SPDYE17: variants seen among roughly 807,000 people sequenced by gnomAD.
The protein encoded by SPDYE17 is speedy protein E17.
For synonymous variants in SPDYE17, 4 were observed against 14.8 expected (o/e 0.27, Z 1.68); for missense variants, 7 against 38.0 (o/e 0.18, Z 2.15).
rs1789473248 is a variant in SPDYE17 at position 77,029,289 on chromosome 7, C to T, written c.293G>A (p.Arg98Gln). 1 of 99,090 alleles carries T rather than the reference C, an allele frequency of 1.0e-5. No homozygotes were observed. Among genetic ancestry groups the T allele is most frequent in the South Asian group, 8.0e-5 (1 of 12,436 alleles). 6.1% of individuals were successfully genotyped at this position (99,090 alleles called of 1,614,324 possible). A position where few individuals can be genotyped will look rare whatever the true frequency, so the allele number is the denominator to read the frequency against. Reference protein sequence around the residue: ...TLCGLKMKAKRRRVSLVLPEY... With the variant: ...TLCGLKMKAKQRRVSLVLPEY... ...AGGGAGCACGAGCGACACTCGCCGT[C>T]GCTTCGCCTTCATCTTGAGGCCACA... The change falls in exon 3 of 8, where the codon CGA becomes CAA. Residue 98 changes from arginine (R) to glutamine (Q), a missense_variant. Arg to Gln is a conservative substitution (Grantham distance 43). Transcript: ENST00000671986.
rs1220587047 is a variant in SPDYE17, at chr7:77,027,871, T to G, written c.408+271A>C. ...ATTAGCCAGGCATGGTGGTTCATGT[T>G]TGTAATCCCAGCTGCTTGGAGGCTG... On this transcript the variant is annotated intron_variant, in intron 4 of 7. Transcript: ENST00000671986. Among the ~76,000 whole-genome samples, 3 of 130,942 alleles carry G rather than the reference T, an allele frequency of 2.3e-5. 1 individual carries two copies. The highest frequency in any genetic ancestry group is 1.9e-4 in the Admixed American group (2 of 10,692). The allele number at this position is 130,942 out of a possible 152,430, so 85.9% of individuals were successfully genotyped here.
chr7:77,024,920 A>G lies in SPDYE17; in HGVS notation c.686T>C (p.Phe229Ser). Residue 229 changes from phenylalanine to serine, a missense_variant, in exon 6 of 8, where the codon TTC (phenylalanine) becomes TCC (serine). Transcript: ENST00000671986. The part of the protein sequence containing the change: ...IALFRKYRFH[F>S]FCSMRCRAWV... ...AGCCCTGCAGCGCATGGAACAAAAG[A>G]AGTGGAACCGATACTTCCGGAACAA... 3.2e-5 allele frequency: 1 copy of G among 31,732 alleles called. No homozygotes were observed. Among genetic ancestry groups the G allele is most frequent in the Non-Finnish European group, 4.7e-5 (1 of 21,402 alleles). 2.0% of individuals were successfully genotyped at this position (31,732 alleles called of 1,614,324 possible). A position where few individuals can be genotyped will look rare whatever the true frequency, so the allele number is the denominator to read the frequency against.
At chr7:77,026,401 C>T (rs1480694371) in intron 5 of SPDYE17, among the ~76,000 whole-genome samples, 1 of 146,888 alleles carries the variant, frequency 6.8e-6, no homozygotes, top group Admixed American at 7.1e-5. Flanking sequence ...GTTCAGGCTG[C>T]ACTAGGAAGC....
rs1339371174 is a variant in SPDYE17, at chr7:77,032,301, C to T, written c.-515G>A. On this transcript the variant is annotated 5_prime_UTR_variant, in exon 1 of 8. The change abolishes an upstream ATG in the 5' untranslated region. Coordinates refer to ENST00000671986, the MANE Select transcript of SPDYE17 (RefSeq NM_001351351.3). ...GCGGCTCTCCTAGGAGTCTCTCGCT[C>T]ATGGGAAAGGCACAAACTGAATGCG... is the stretch of plus-strand genomic sequence containing the variant. Among the ~76,000 whole-genome samples, 2 of 130,438 alleles carry T rather than the reference C, an allele frequency of 1.5e-5. No individual in the cohort carries two copies. Among genetic ancestry groups the T allele is most frequent in the African/African-American group, 5.6e-5 (2 of 35,838 alleles). 85.6% of individuals were successfully genotyped at this position (130,438 alleles called of 152,430 possible). A position where few individuals can be genotyped will look rare whatever the true frequency, so the allele number is the denominator to read the frequency against.
At chr7:77,025,748 A>T (rs1295504794) in intron 5 of SPDYE17, 2 of 36,566 alleles carry the variant, frequency 5.5e-5, no homozygotes, top group Admixed American at 3.0e-4. Context: ...TTGTCTTGAT[A>T]AATAAATAAA....
chr7:77,026,509 C>T (rs1425611378), intron 5 of SPDYE17, among the ~76,000 whole-genome samples: 6 of 150,072 alleles, frequency 4.0e-5, no homozygotes, highest in Non-Finnish European at 8.9e-5. Context: ...ACCTCTGTCA[C>T]GGGAACCCGG....
At chr7:77,026,607 C>T (rs1312184216) in intron 5 of SPDYE17, among the ~76,000 whole-genome samples, 3 of 147,556 alleles carry the variant, frequency 2.0e-5, no homozygotes, top group South Asian at 2.2e-4. Flanking sequence ...GTGTCATGTC[C>T]GCTCCTCCGC....
At chr7:77,026,501 C>T (rs1789434812) in intron 5 of SPDYE17, among the ~76,000 whole-genome samples, 1 of 150,004 alleles carries the variant, frequency 6.7e-6, no homozygotes, top group South Asian at 2.1e-4. Context: ...GGACTGTGAC[C>T]TCTGTCACGG....
chr7:77,029,698 C>CTTTTTTT (rs1166509214), intron 2 of SPDYE17, among the ~76,000 whole-genome samples: 67 of 41,592 alleles, frequency 1.6e-3, no homozygotes, highest in Non-Finnish European at 2.1e-3. Context: ...CTGAGTCCCT[C>CTTTTTTT]TTTTTTTTTT....
At chr7:77,032,162 G>A (rs1386412086) in intron 1 of SPDYE17, among the ~76,000 whole-genome samples, 78 bp downstream of exon 1, 2 of 92,812 alleles carry the variant, frequency 2.2e-5, no homozygotes, top group African/African-American at 8.8e-5. Context: ...GTGAGCCAAG[G>A]TCACACCATT....
Position 77,032,326 on chromosome 7 carries a change from G to A in SPDYE17, c.-540C>T, listed in dbSNP as rs1049387002. Among the ~76,000 whole-genome samples the A allele has an allele frequency of 1.7e-4, 22 of 133,300 alleles. 3 individuals carry two copies. Among genetic ancestry groups the A allele is most frequent in the Non-Finnish European group, 3.3e-4 (21 of 63,590 alleles). The allele number at this position is 133,300 out of a possible 152,430, so 87.4% of individuals were successfully genotyped here. A position where few individuals can be genotyped will look rare whatever the true frequency, so the allele number is the denominator to read the frequency against. On this transcript the variant is annotated 5_prime_UTR_variant, in exon 1 of 8. Coordinates refer to ENST00000671986, the MANE Select transcript of SPDYE17 (RefSeq NM_001351351.3). ...CATGGGAAAGGCACAAACTGAATGC[G>A]GAAGGAAATCCCATTGCTATGGAAG...
At chr7:77,032,213 A>AAAG (rs1315918811) in intron 1 of SPDYE17, among the ~76,000 whole-genome samples, 27 bp downstream of exon 1, 1 of 116,756 alleles carries the variant, frequency 8.6e-6, no homozygotes, top group East Asian at 4.0e-4. Flanking sequence ...TACATCTCAA[A>AAAG]AAAAAAAAAA....
intron 5 of SPDYE17, chr7:77,025,472 A>T (rs1369085574): frequency 4.3e-6 from 1 of 230,404 alleles, no homozygotes; most frequent in Non-Finnish European, 7.7e-6. Flanking sequence ...AATACGCCAG[A>T]CGTGGCTCAT....
chr7:77,026,410 GC>G (rs1789433171), intron 5 of SPDYE17, among the ~76,000 whole-genome samples: 2 of 147,096 alleles, frequency 1.4e-5, no homozygotes, highest in African/African-American at 5.0e-5. Flanking sequence ...GCACTAGGAA[GC>G]CCCTTGGCTT....
chr7:77,029,662 CAT>C (rs1177965762), intron 2 of SPDYE17, among the ~76,000 whole-genome samples: 4 of 58,230 alleles, frequency 6.9e-5, no homozygotes, highest in African/African-American at 2.6e-4. Context: ...AACACTGCCT[CAT>C]ATCCTTCCCT....
At chr7:77,029,482 G>A in intron 2 of SPDYE17, 31 bp from the exon 3 acceptor site, 1 of 76,436 alleles carries the variant, frequency 1.3e-5, no homozygotes, top group South Asian at 1.4e-4. Flanking sequence ...ACCGTGTAAT[G>A]CTTCTGCAAC....
chr7:77,025,856 AGGATAT>A (rs1331877515), intron 5 of SPDYE17: 1 of 145,772 alleles, frequency 6.9e-6, no homozygotes, highest in Non-Finnish European at 1.5e-5. Context: ...GCTTGAGCCC[AGGATAT>A]GGAGGCTGCA....
rs1789498116 is a variant in SPDYE17, at chr7:77,032,187, G to A, written c.-454+53C>T. On this transcript the variant is annotated intron_variant, in intron 1 of 7. Coordinates refer to ENST00000671986, the MANE Select transcript of SPDYE17 (RefSeq NM_001351351.3). ...GTCACACCATTGCACTCCAGCCTGG[G>A]CAACAAGAGCAAAACTACATCTCAA... Among the ~76,000 whole-genome samples the A allele has an allele frequency of 2.1e-5, 2 of 93,454 alleles. 1 individual carries two copies. The highest frequency in any genetic ancestry group is 8.8e-4 in the South Asian group (2 of 2,276). The allele number at this position is 93,454 out of a possible 152,430, so 61.3% of individuals were successfully genotyped here.
rs573664984 is a variant in SPDYE17, at chr7:77,027,881, A to C, written c.408+261T>G. Among the ~76,000 whole-genome samples, 6 of 131,496 alleles carry C rather than the reference A, an allele frequency of 4.6e-5. 2 individuals carry two copies. The highest frequency in any genetic ancestry group is 9.6e-5 in the Non-Finnish European group (6 of 62,664). 86.3% of individuals were successfully genotyped at this position (131,496 alleles called of 152,430 possible). A position where few individuals can be genotyped will look rare whatever the true frequency, so the allele number is the denominator to read the frequency against. On this transcript the variant is annotated intron_variant, in intron 4 of 7. Transcript: ENST00000671986. ...CATGGTGGTTCATGTTTGTAATCCC[A>C]GCTGCTTGGAGGCTGAGGTGGGAGA...
Sources: gnomAD v4.1 joint callset for allele counts (sites outside exome capture counted in the v4.1 genomes callset) on GRCh38, gnomAD v4.1.1 for gene constraint, MANE v1.5 for transcripts, NCBI Gene and HGNC (gene_info 2026-07-23, HGNC 2026-07-21) for gene names.